SCN4A: variants seen among roughly 807,000 people sequenced by gnomAD.
SCN4A encodes the protein sodium voltage-gated channel alpha subunit 4.
SCN4A carries 83 observed loss-of-function variants against 162.0 expected under a neutral mutation model. The ratio of observed to expected loss-of-function variants is 0.51; its 90% CI spans 0.43 to 0.61. The LOEUF (loss-of-function observed/expected upper bound fraction) is 0.61. SCN4A is among the 20% of genes least tolerant of loss of function. The pLI, the probability that SCN4A is intolerant of heterozygous loss-of-function variation, is 0.00. For missense variants in SCN4A, 2,196 were observed against 2,462.5 expected, an observed-to-expected ratio of 0.89 and a Z score of 2.29; for synonymous variants, 944 against 985.1, an observed-to-expected ratio of 0.96 and a Z score of 0.78.
At chr17:63,955,591 G>C (rs1376380452) in intron 13 of SCN4A, among the ~76,000 whole-genome samples, 1 of 152,132 alleles carries the variant, frequency 6.6e-6, no homozygotes, top group Admixed American at 6.5e-5. Flanking sequence ...AAACGTTTCT[G>C]AGTTTCCACA....
At position 63,961,317 on chromosome 17, in the gene SCN4A, A is replaced by G; in HGVS notation, c.1721T>C (p.Ile574Thr). Residue 574 changes from isoleucine (I) to threonine (T), a missense_variant, in exon 11 of 24, where the codon ATC (isoleucine) becomes ACC (threonine). Coordinates refer to ENST00000435607, the MANE Select transcript of SCN4A (RefSeq NM_000334.4). ...WLKFKNIIHL[I>T]VMDPFVDLGI... is the part of the protein sequence containing the mutation. Reference sequence around the variant, plus strand: ...CAGGTCCACGAACGGGTCCATGACGATCAGGTGGATGATGTTCTTGAACTT... The same window carrying G: ...CAGGTCCACGAACGGGTCCATGACGGTCAGGTGGATGATGTTCTTGAACTT... 6.2e-7 allele frequency: 1 copy of G among 1,613,774 alleles called. No individual in the cohort carries two copies. The highest frequency in any genetic ancestry group is 8.5e-7 in the Non-Finnish European group (1 of 1,179,792).
intron 6 of SCN4A, among the ~76,000 whole-genome samples, 200 bp downstream of exon 6, chr17:63,967,823 C>G (rs886565020): frequency 6.6e-6 from 1 of 151,770 alleles, no homozygotes; most frequent in Non-Finnish European, 1.5e-5. Flanking sequence ...ATCCTAGCTA[C>G]TCGGGAGGCT....
rs748575753 is a variant in SCN4A, at chr17:63,964,438, G to A, written c.1452+30C>T. On this transcript the variant is annotated intron_variant, in intron 9 of 23. Transcript: ENST00000435607. ...CGGCTGAGGGCAGGTAGAACCCTGG[G>A]TCCTCTATCTCCTTTCCCTGAGTCC... 3.1e-6 allele frequency: 5 copies of A among 1,602,596 alleles called. No individual in the cohort carries two copies. The African/African-American group carries it at 5.4e-5, about 17-fold the overall frequency.
intron 5 of SCN4A, 115 bp from the exon 6 acceptor site, chr17:63,968,470 G>C (rs1909524056): frequency 2.6e-6 from 2 of 765,304 alleles, no homozygotes. Flanking sequence ...TTGACTTACT[G>C]AGCACCACTA....
rs200517944 is a variant in SCN4A at position 63,951,573 on chromosome 17, C to T, written c.2704G>A (p.Gly902Ser). ...TCCAGCTCGAGGCTGGATGGGGGGC[C>T]GTCAGCCAGGCCCATGTGGTTCAGG... ...HILNHMGLAD[G>S]PPSSLELDHL... is the part of the protein sequence containing the mutation. Residue 902 changes from glycine (G) to serine (S), a missense_variant, in exon 14 of 24, where the codon GGC becomes AGC. Gly to Ser is a moderately conservative substitution (Grantham distance 56). Coordinates refer to ENST00000435607, the MANE Select transcript of SCN4A (RefSeq NM_000334.4). This position sits in a 1 kb window ranked among gnomAD's most constrained non-coding sequence, Gnocchi z 4.5. 430 of 1,613,952 alleles carry T rather than the reference C, an allele frequency of 2.7e-4. No individual in the cohort carries two copies. Among genetic ancestry groups the T allele is most frequent in the Non-Finnish European group, 3.5e-4 (417 of 1,179,868 alleles).
Position 63,951,497 on chromosome 17 carries a change from G to A in SCN4A, c.2780C>T (p.Ala927Val), listed in dbSNP as rs2144786597. 1.2e-6 allele frequency: 2 copies of A among 1,613,820 alleles called. No homozygotes were observed. The highest frequency in any genetic ancestry group is 1.7e-4 in the Middle Eastern group (1 of 6,060). Residue 927 changes from alanine to valine, a missense_variant, in exon 14 of 24, where the codon GCC (alanine) becomes GTC (valine). Physicochemically the swap from Ala to Val is moderately conservative, Grantham distance 64 (BLOSUM62 0). Coordinates refer to ENST00000435607, the MANE Select transcript of SCN4A (RefSeq NM_000334.4). The surrounding 1 kb of genome is among the most constrained non-coding windows in gnomAD (Gnocchi z 4.5). ...CATCTCCAGGTCGGACTCCTCGGAG[G>A]CGATGGGCACCTGTATGGTCAGGTA... ...NPYLTIQVPI[A>V]SEESDLEMPT...
chr17:63,942,639 C>T (rs544116755), intron 23 of SCN4A, among the ~76,000 whole-genome samples, 187 bp downstream of exon 23: 1 of 152,338 alleles, frequency 6.6e-6, no homozygotes, highest in South Asian at 2.1e-4. Context: ...TCCATGTGTG[C>T]GCGGGTGACG....
chr17:63,945,758 A>AATT lies in SCN4A; in HGVS notation c.3442-121_3442-120insAAT. On this transcript the variant is annotated intron_variant, in intron 18 of 23. Coordinates refer to ENST00000435607, the MANE Select transcript of SCN4A (RefSeq NM_000334.4). The surrounding 1 kb of genome is among the most constrained non-coding windows in gnomAD (Gnocchi z 4.4). ...CATTGTCAATTAGGGAGGGCTTCCT[A>AATT]GAGGAGGGCCGACCTGCTGGGCTGT... 1.2e-6 allele frequency: 1 copy of AATT among 864,376 alleles called. No individual in the cohort carries two copies. Among genetic ancestry groups the AATT allele is most frequent in the Non-Finnish European group, 1.7e-6 (1 of 589,382 alleles). The allele number at this position is 864,376 out of a possible 1,614,324, so 53.5% of individuals were successfully genotyped here.
intron 5 of SCN4A, 141 bp downstream of exon 5, chr17:63,971,021 G>T: frequency 1.6e-6 from 1 of 641,234 alleles, no homozygotes; most frequent in Non-Finnish European, 2.8e-6. Flanking sequence ...GGTCACGTGG[G>T]CCCCTGTATG....
chr17:63,942,232 T>C (rs1908562581), intron 23 of SCN4A, among the ~76,000 whole-genome samples: 1 of 151,358 alleles, frequency 6.6e-6, no homozygotes, highest in African/African-American at 2.4e-5. Flanking sequence ...TAAGGCCCAT[T>C]CCCAAGGCTG....
chr17:63,970,610 A>G (rs1178546388), intron 5 of SCN4A, among the ~76,000 whole-genome samples: 2 of 151,492 alleles, frequency 1.3e-5, no homozygotes, highest in East Asian at 3.9e-4. Flanking sequence ...ACTATAGGAG[A>G]GCATAACCAG....
intron 8 of SCN4A, among the ~76,000 whole-genome samples, chr17:63,964,902 C>T (rs144922475): frequency 1.4e-3 from 210 of 152,244 alleles, no homozygotes; most frequent in Middle Eastern, 6.8e-3. Context: ...AGAGGAGGAC[C>T]GAAGCCAGGC....
Position 63,945,291 on chromosome 17 carries a change from A to C in SCN4A, c.3720+69T>G. The C allele has an allele frequency of 8.0e-7, 1 of 1,256,972 alleles. No homozygotes were observed. Among genetic ancestry groups the C allele is most frequent in the African/African-American group, 2.9e-5 (1 of 34,230 alleles). 77.9% of individuals were successfully genotyped at this position (1,256,972 alleles called of 1,614,324 possible). A position where few individuals can be genotyped will look rare whatever the true frequency, so the allele number is the denominator to read the frequency against. ...ACCAGGAGTGACACTGGGGTTGGGT[A>C]CAACGAGAGGACCGGGGTGGGGGGC... On this transcript the variant is annotated intron_variant, in intron 19 of 23. Coordinates refer to ENST00000435607, the MANE Select transcript of SCN4A (RefSeq NM_000334.4). The surrounding 1 kb of genome is among the most constrained non-coding windows in gnomAD (Gnocchi z 4.4).
Position 63,972,555 on chromosome 17 carries a change from T to C in SCN4A, c.273+14A>G. The C allele has an allele frequency of 6.3e-7, 1 of 1,593,600 alleles. No homozygotes were observed. Among genetic ancestry groups the C allele is most frequent in the South Asian group, 1.1e-5 (1 of 88,706 alleles). On this transcript the variant is annotated intron_variant, in intron 1 of 23. Coordinates refer to ENST00000435607, the MANE Select transcript of SCN4A (RefSeq NM_000334.4). This position sits in a 1 kb window ranked among gnomAD's most constrained non-coding sequence, Gnocchi z 4.3. ...GATGGCAGACAGACAGAGGAAGCCT[T>C]CCCAGGCCCAGACCTTCTTATTGCT... is the stretch of plus-strand genomic sequence containing the variant.
Position 63,948,643 on chromosome 17 carries a change from C to A in SCN4A, c.3112G>T (p.Val1038Phe). The change falls in exon 16 of 24, where the codon GTC (valine) becomes TTC (phenylalanine). Residue 1038 changes from valine (V) to phenylalanine (F), a missense_variant. Val to Phe is a conservative substitution (Grantham distance 50). Transcript: ENST00000435607. ...CCACTGCTGAGCAGGATCATGAAGA[C>A]AATGAAGGTCTCGAACCAGTTGTGC... Reference protein sequence around the residue: ...VEHNWFETFIVFMILLSSGAL... With the variant: ...VEHNWFETFIFFMILLSSGAL... The A allele has an allele frequency of 6.2e-7, 1 of 1,613,914 alleles. No homozygotes were observed. The highest frequency in any genetic ancestry group is 8.5e-7 in the Non-Finnish European group (1 of 1,179,900).
intron 13 of SCN4A, among the ~76,000 whole-genome samples, chr17:63,953,792 A>C (rs943670150): frequency 2.0e-5 from 3 of 152,194 alleles, no homozygotes; most frequent in Non-Finnish European, 4.4e-5. Context: ...TAGATGAGTA[A>C]ACTGAGTCCT....
chr17:63,972,882 G>A lies in SCN4A; in HGVS notation c.-41C>T, dbSNP rs982943963. ...TCAGAGACCAGAAGGGTGGTGGGTGGCCTGGGGAGCTGCAGTGCGCAGCCC... is the reference window on the plus strand; with the variant it reads ...TCAGAGACCAGAAGGGTGGTGGGTGACCTGGGGAGCTGCAGTGCGCAGCCC... On this transcript the variant is annotated 5_prime_UTR_variant, in exon 1 of 24. Transcript: ENST00000435607. This position sits in a 1 kb window ranked among gnomAD's most constrained non-coding sequence, Gnocchi z 4.3. 2 of 1,565,838 alleles carry A rather than the reference G, an allele frequency of 1.3e-6. No individual in the cohort carries two copies. Among genetic ancestry groups the A allele is most frequent in the Non-Finnish European group, 8.6e-7 (1 of 1,156,704 alleles).
intron 5 of SCN4A, among the ~76,000 whole-genome samples, chr17:63,969,934 C>CTGT (rs1909565932): frequency 6.6e-6 from 1 of 152,172 alleles, no homozygotes; most frequent in South Asian, 2.1e-4. Flanking sequence ...TGGGCCACCA[C>CTGT]ACCTGGCCTC....
intron 22 of SCN4A, 91 bp from the exon 23 acceptor site, chr17:63,943,187 A>G: frequency 7.9e-7 from 1 of 1,263,254 alleles, no homozygotes; most frequent in Non-Finnish European, 1.1e-6. Flanking sequence ...ATGGCACCAC[A>G]GCATGACAGA....
Sources: allele counts gnomAD v4.1 joint callset (sites outside exome capture counted in the v4.1 genomes callset), GRCh38; gene constraint gnomAD v4.1.1; non-coding constraint Gnocchi (gnomAD v3.1); transcripts MANE v1.5; gene names NCBI Gene and HGNC (gene_info 2026-07-23, HGNC 2026-07-21).